Variants in MARCHF1 observed in about 807,000 individuals in gnomAD.
The protein encoded by MARCHF1 is membrane associated ring-CH-type finger 1.
A neutral mutation model predicts 54.2 loss-of-function variants in MARCHF1; 40 were observed. The observed-to-expected ratio is 0.74, with a 90% CI of 0.57 to 0.96. The LOEUF is 0.96. MARCHF1 is among the 40% of genes least tolerant of loss of function. MARCHF1 has a pLI of 0.00. For synonymous variants in MARCHF1, 236 were observed against 236.3 expected (o/e 1.00, Z 0.01); for missense variants, 586 against 656.5 (o/e 0.89, Z 1.17).
chr4:164,285,000 T>G (rs1215652011), intron 1 of MARCHF1, among the ~76,000 whole-genome samples: 1 of 151,908 alleles, frequency 6.6e-6, no homozygotes. Context: ...ACATTAAATG[T>G]CAGCCTTTTC....
At chr4:164,177,820 CA>C in intron 1 of MARCHF1, among the ~76,000 whole-genome samples, 1 of 150,804 alleles carries the variant, frequency 6.6e-6, no homozygotes, top group Non-Finnish European at 1.5e-5. Flanking sequence ...CACACACACA[CA>C]CACACACACA....
intron 4 of MARCHF1, among the ~76,000 whole-genome samples, chr4:163,754,176 T>C (rs1746600151): frequency 6.6e-6 from 1 of 152,186 alleles, no homozygotes. Context: ...ATAGCTGCAA[T>C]AGCTCCAAAC....
intron 3 of MARCHF1, among the ~76,000 whole-genome samples, chr4:163,947,433 G>T (rs1237396745): frequency 6.6e-6 from 1 of 152,176 alleles, no homozygotes; most frequent in Non-Finnish European, 1.5e-5. Context: ...AAGATCTTGA[G>T]ATGGGGAGAT....
At chr4:164,127,591 T>TA (rs542502735) in intron 1 of MARCHF1, among the ~76,000 whole-genome samples, 1 of 151,506 alleles carries the variant, frequency 6.6e-6, no homozygotes, top group Non-Finnish European at 1.5e-5. Context: ...ACTAGAAAAA[T>TA]AAAAAACTGA....
At chr4:163,823,115 G>A (rs1214050154) in intron 4 of MARCHF1, among the ~76,000 whole-genome samples, 1 of 151,788 alleles carries the variant, frequency 6.6e-6, no homozygotes, top group Non-Finnish European at 1.5e-5. Flanking sequence ...GGGAGAGTTA[G>A]GGATGAATGA....
chr4:163,620,995 G>A lies in MARCHF1; in HGVS notation c.163-7602C>T, dbSNP rs75282297. Among the ~76,000 whole-genome samples the A allele has an allele frequency of 3.9e-4, 59 of 152,252 alleles. No homozygotes were observed. The East Asian group carries it at 0.011, about 28-fold the overall frequency. On this transcript the variant is annotated intron_variant, in intron 5 of 9. Coordinates refer to ENST00000514618, the MANE Select transcript of MARCHF1 (RefSeq NM_001394959.1). ...GTGTTTTGTTCTCCACTATTTAAGT[G>A]ATAAACTCTTTGCTTATTTAAAGTC...
chr4:164,197,642 G>T lies in MARCHF1; in HGVS notation c.-322-85980C>A, dbSNP rs116499257. 927 of 1,613,018 alleles carry T rather than the reference G, an allele frequency of 5.7e-4. 2 individuals are homozygous for T. In the African/African-American group the frequency reaches 0.011, roughly 19 times the overall value. ...CCTTCATTCGACCGACTGTTGTCCA[G>T]GGCAAGTTCTTTCACATCAGAGGGC... is the stretch of plus-strand genomic sequence containing the variant. On this transcript the variant is annotated intron_variant, in intron 1 of 9. Transcript: ENST00000514618.
chr4:163,869,851 C>T (rs778801600), intron 3 of MARCHF1, among the ~76,000 whole-genome samples: 9 of 151,970 alleles, frequency 5.9e-5, no homozygotes, highest in Non-Finnish European at 8.8e-5. Context: ...ACTCTCTTGT[C>T]GTTAATATAT....
At chr4:164,027,361 G>GAAA (rs1753790358) in intron 2 of MARCHF1, among the ~76,000 whole-genome samples, 1 of 7,776 alleles carries the variant, frequency 1.3e-4, no homozygotes, top group Non-Finnish European at 4.8e-4. Flanking sequence ...CATGGTACAG[G>GAAA]TAAAAAAAAA....
chr4:164,192,865 A>G (rs914789085), intron 1 of MARCHF1, among the ~76,000 whole-genome samples: 4 of 152,174 alleles, frequency 2.6e-5, no homozygotes, highest in African/African-American at 4.8e-5. Context: ...GTCTTCTGCT[A>G]GGCACTTTTC....
At chr4:163,754,083 C>T (rs1202045555) in intron 4 of MARCHF1, among the ~76,000 whole-genome samples, 3 of 152,142 alleles carry the variant, frequency 2.0e-5, no homozygotes, top group Non-Finnish European at 4.4e-5. Context: ...TTTGGAAGGT[C>T]AACATTGTTA....
At chr4:163,842,998 A>G (rs1419387790) in intron 4 of MARCHF1, among the ~76,000 whole-genome samples, 1 of 151,946 alleles carries the variant, frequency 6.6e-6, no homozygotes, top group Non-Finnish European at 1.5e-5. Flanking sequence ...GTAGTTTTTC[A>G]ACCTATGTCC....
chr4:164,304,297 A>G (rs891305429), intron 1 of MARCHF1, among the ~76,000 whole-genome samples: 4 of 152,344 alleles, frequency 2.6e-5, no homozygotes, highest in Admixed American at 6.5e-5. Context: ...GCAACAGTCT[A>G]TTAAATGCTA....
intron 5 of MARCHF1, among the ~76,000 whole-genome samples, chr4:163,636,870 A>G (rs1324494307): frequency 6.6e-6 from 1 of 152,216 alleles, no homozygotes; most frequent in Non-Finnish European, 1.5e-5. Context: ...AGTAACCAAA[A>G]CAGCATGGTA....
chr4:163,635,066 C>T (rs2111008919), intron 5 of MARCHF1, among the ~76,000 whole-genome samples: 1 of 73,058 alleles, frequency 1.4e-5, no homozygotes, highest in East Asian at 4.2e-4. Flanking sequence ...AAAGACACAA[C>T]ATACCAGAAT....
intron 1 of MARCHF1, among the ~76,000 whole-genome samples, chr4:164,315,833 G>C (rs1267034695): frequency 4.6e-5 from 7 of 152,098 alleles, no homozygotes; most frequent in Admixed American, 4.6e-4. Context: ...TTAAATATAA[G>C]ATATCAAAAG....
At chr4:163,848,853 C>G (rs1051837529) in intron 4 of MARCHF1, among the ~76,000 whole-genome samples, 3 of 152,034 alleles carry the variant, frequency 2.0e-5, no homozygotes, top group South Asian at 2.1e-4. Flanking sequence ...ATAAATTGCT[C>G]TACAGATTAA....
rs1302842361 is a variant in MARCHF1 at position 163,529,106 on chromosome 4, T to TC, written c.1340-61_1340-60insG. The TC allele has an allele frequency of 7.8e-6, 11 of 1,404,194 alleles. No individual in the cohort carries two copies. The East Asian group carries it at 2.6e-4, about 33-fold the overall frequency. 87.0% of individuals were successfully genotyped at this position (1,404,194 alleles called of 1,614,324 possible). ...GTTGTCCTCAGTGGATTTGGTCATT[T>TC]TTTTTTTCTATGACCCTTCAAAAGC... is the stretch of plus-strand genomic sequence containing the variant. On this transcript the variant is annotated intron_variant, in intron 9 of 9. Coordinates refer to ENST00000514618, the MANE Select transcript of MARCHF1 (RefSeq NM_001394959.1).
At chr4:164,191,908 T>C (rs1296858394) in intron 1 of MARCHF1, among the ~76,000 whole-genome samples, 4 of 152,200 alleles carry the variant, frequency 2.6e-5, no homozygotes, top group Admixed American at 6.5e-5. Flanking sequence ...ATTCTTATCA[T>C]TGTAATTATG....
Sources: allele counts gnomAD v4.1 joint callset (sites outside exome capture counted in the v4.1 genomes callset), GRCh38; gene constraint gnomAD v4.1.1; transcripts MANE v1.5; gene names NCBI Gene and HGNC (gene_info 2026-07-23, HGNC 2026-07-21).